VSTM4: variants seen among roughly 807,000 people sequenced by gnomAD.
VSTM4 encodes V-set and transmembrane domain containing 4, also known as V-set and transmembrane domain-containing protein 4.
A neutral mutation model predicts 36.4 loss-of-function variants in VSTM4; 20 were observed. The observed-to-expected ratio is 0.55, with a 90% confidence interval of 0.39 to 0.80. The LOEUF is 0.80. Among genes scored for constraint, VSTM4 ranks in the 30% least tolerant of loss-of-function variants. The pLI is 0.00. For missense variants in VSTM4, 392 were observed against 404.5 expected (o/e 0.97, Z 0.26); for synonymous variants, 182 against 173.9 (o/e 1.05, Z -0.37).
chr10:49,027,033 C>T (rs1429736311), intron 7 of VSTM4, among the ~76,000 whole-genome samples: 1 of 152,130 alleles, frequency 6.6e-6, no homozygotes, highest in Non-Finnish European at 1.5e-5. Flanking sequence ...ACAAGGTGGA[C>T]CCCTACTCCT....
At chr10:49,102,339 T>A in intron 2 of VSTM4, 1 of 892,532 alleles carries the variant, frequency 1.1e-6, no homozygotes, top group Non-Finnish European at 1.3e-6. Flanking sequence ...TTTCACCATG[T>A]TGGCCAGGCT....
At chr10:49,097,323 G>A (rs2132014607) in intron 2 of VSTM4, among the ~76,000 whole-genome samples, 1 of 152,284 alleles carries the variant, frequency 6.6e-6, no homozygotes, top group East Asian at 1.9e-4. Context: ...TACAGAATCT[G>A]TGCTTCCAGA....
intron 7 of VSTM4, among the ~76,000 whole-genome samples, chr10:49,029,474 G>A (rs1843312592): frequency 6.6e-6 from 1 of 152,182 alleles, no homozygotes; most frequent in Non-Finnish European, 1.5e-5. Flanking sequence ...AGCACTGTGA[G>A]GCAGGGCCAG....
rs1425837827 is a variant in VSTM4, at chr10:49,107,619, A to T, written c.432T>A (p.Asn144Lys). 6.2e-7 allele frequency: 1 copy of T among 1,610,170 alleles called. No individual in the cohort carries two copies. Among genetic ancestry groups the T allele is most frequent in the South Asian group, 1.1e-5 (1 of 90,908 alleles). Residue 144 changes from asparagine (N) to lysine (K), a missense_variant, in exon 2 of 8, where the codon AAT becomes AAA. Asn to Lys is a moderately conservative substitution (Grantham distance 94, BLOSUM62 0). Transcript: ENST00000332853. ...RHRNKWTAWS[N>K]GSSATEMRVI... The stretch of plus-strand genomic sequence containing the variant: ...CTCTCATTTCCGTGGCTGAGGAGCC[A>T]TTGGACCAGGCCGTCCACTTGTTCC...
intron 7 of VSTM4, among the ~76,000 whole-genome samples, chr10:49,029,956 CA>C (rs1843320100): frequency 6.6e-6 from 1 of 152,184 alleles, no homozygotes; most frequent in Non-Finnish European, 1.5e-5. Flanking sequence ...GGAACACCTC[CA>C]GGGGGCCCCG....
chr10:49,080,773 C>T (rs527708008), intron 3 of VSTM4, among the ~76,000 whole-genome samples: 1 of 152,360 alleles, frequency 6.6e-6, no homozygotes, highest in African/African-American at 2.4e-5. Flanking sequence ...TCCTAGGAAG[C>T]TACTGGGAAA....
At chr10:49,092,361 G>A (rs945520633) in intron 2 of VSTM4, among the ~76,000 whole-genome samples, 2 of 152,178 alleles carry the variant, frequency 1.3e-5, no homozygotes, top group Non-Finnish European at 2.9e-5. Context: ...AGTACAAGGA[G>A]ATGTGGGAGA....
At chr10:49,027,970 G>A (rs2131936996) in intron 7 of VSTM4, among the ~76,000 whole-genome samples, 1 of 152,296 alleles carries the variant, frequency 6.6e-6, no homozygotes, top group South Asian at 2.1e-4. Context: ...AGGCCACATG[G>A]CAAGTTATGT....
At chr10:49,114,503 G>A (rs77202772) in intron 1 of VSTM4, among the ~76,000 whole-genome samples, 8,393 of 152,058 alleles carry the variant, frequency 0.055, 783 homozygotes, top group African/African-American at 0.19. Context: ...TCATGGGCCT[G>A]AGCCTCAGTT....
intron 5 of VSTM4, among the ~76,000 whole-genome samples, chr10:49,063,012 T>C (rs767672083): frequency 6.6e-6 from 1 of 151,440 alleles, no homozygotes; most frequent in Non-Finnish European, 1.5e-5. Flanking sequence ...ATAATTTGAA[T>C]TGATGATTGA....
At chr10:49,089,834 T>C (rs1844441081) in intron 2 of VSTM4, among the ~76,000 whole-genome samples, 1 of 152,220 alleles carries the variant, frequency 6.6e-6, no homozygotes, top group Admixed American at 6.5e-5. Context: ...TGATATATTG[T>C]CAAGCCAGGG....
chr10:49,084,649 T>C (rs1844338182), intron 3 of VSTM4, among the ~76,000 whole-genome samples: 1 of 152,218 alleles, frequency 6.6e-6, no homozygotes, highest in Admixed American at 6.5e-5. Context: ...GGCTAGATCA[T>C]TCCTCATCAA....
chr10:49,101,156 A>G (rs993004983), intron 2 of VSTM4, among the ~76,000 whole-genome samples: 15 of 152,180 alleles, frequency 9.9e-5, no homozygotes, highest in Admixed American at 5.2e-4. Flanking sequence ...GGTACCATGT[A>G]CAATGTATTG....
intron 5 of VSTM4, among the ~76,000 whole-genome samples, chr10:49,057,766 C>A (rs975397279): frequency 6.6e-6 from 1 of 152,198 alleles, no homozygotes; most frequent in Non-Finnish European, 1.5e-5. Context: ...ATCCTCACCA[C>A]CTTGCTTGCT....
Position 49,047,040 on chromosome 10 carries a change from C to T in VSTM4, c.780G>A (p.Pro260=), listed in dbSNP as rs376793962. The change falls in exon 7 of 8, where the codon CCG becomes CCA. Residue 260 remains proline (P), a synonymous_variant. Coordinates refer to ENST00000332853, the MANE Select transcript of VSTM4 (RefSeq NM_001031746.5). ...TCGGTTTATGGAACGTGGGGGCTAT[C>T]GGAGCTGTGGAAGTAGGTCAAGGGT... is the stretch of plus-strand genomic sequence containing the variant. ...DIPPAVPAKA[P]IAPTFHKPKL... 9 of 1,614,076 alleles carry T rather than the reference C, an allele frequency of 5.6e-6. No homozygotes were observed. Among genetic ancestry groups the T allele is most frequent in the African/African-American group, 5.3e-5 (4 of 74,996 alleles).
rs1219013607 is a variant in VSTM4 at position 49,077,323 on chromosome 10, A to G, written c.530T>C (p.Leu177Pro). Residue 177 changes from leucine to proline, a missense_variant, in exon 4 of 8, where the codon CTC becomes CCC. Coordinates refer to ENST00000332853, the MANE Select transcript of VSTM4 (RefSeq NM_001031746.5). Reference protein sequence around the residue: ...TKETWAFFEDLYVYAVLVCCV... With the variant: ...TKETWAFFEDPYVYAVLVCCV... ...GCACACGAGGACAGCATACACATAG[A>G]GATCTGAAAGGCAAGGACAGACACG... 1 of 1,614,204 alleles carries G rather than the reference A, an allele frequency of 6.2e-7. No individual in the cohort carries two copies. The highest frequency in any genetic ancestry group is 8.5e-7 in the Non-Finnish European group (1 of 1,180,026).
At chr10:49,048,715 C>A in intron 5 of VSTM4, 131 bp from the exon 6 acceptor site, 1 of 694,054 alleles carries the variant, frequency 1.4e-6, no homozygotes. Flanking sequence ...GGAAGGTTAT[C>A]ATATGGGTAG....
At chr10:49,063,083 A>T (rs1040004051) in intron 5 of VSTM4, among the ~76,000 whole-genome samples, 8 of 151,730 alleles carry the variant, frequency 5.3e-5, no homozygotes, top group Non-Finnish European at 1.0e-4. Context: ...TCATGCCTGC[A>T]ATCCCAGCAT....
chr10:49,050,318 G>T (rs1843678047), intron 5 of VSTM4, among the ~76,000 whole-genome samples: 1 of 152,184 alleles, frequency 6.6e-6, no homozygotes, highest in Non-Finnish European at 1.5e-5. Context: ...TAGAATGGGG[G>T]TGCTAAGGAA....
Sources: allele counts gnomAD v4.1 joint callset (sites outside exome capture counted in the v4.1 genomes callset), GRCh38; gene constraint gnomAD v4.1.1; transcripts MANE v1.5; gene names NCBI Gene and HGNC (gene_info 2026-07-23, HGNC 2026-07-21).